Variants in ZRANB3 observed in about 807,000 individuals in gnomAD.
ZRANB3 encodes the protein zinc finger RANBP2-type containing 3.
A neutral mutation model predicts 133.8 loss-of-function variants in ZRANB3; 125 were observed. The ratio of observed to expected loss-of-function variants is 0.93; its 90% CI spans 0.81 to 1.08. ZRANB3 has a LOEUF of 1.08. Ranked by LOEUF, ZRANB3 falls within the 50% of genes least tolerant of loss-of-function variation. The pLI is 0.00. For missense variants in ZRANB3, 1,229 were observed against 1,275.5 expected, an observed-to-expected ratio of 0.96 and a Z score of 0.56; for synonymous variants, 387 against 432.7, an observed-to-expected ratio of 0.89 and a Z score of 1.31.
At chr2:135,351,463 G>A (rs1685204806) in intron 4 of ZRANB3, among the ~76,000 whole-genome samples, 2 of 151,684 alleles carry the variant, frequency 1.3e-5, no homozygotes, top group South Asian at 2.1e-4. Context: ...GGATGGTCTC[G>A]ATCTTCTGAC....
intron 2 of ZRANB3, among the ~76,000 whole-genome samples, chr2:135,444,436 A>AG (rs1183705900): frequency 2.0e-5 from 3 of 152,220 alleles, no homozygotes; most frequent in African/African-American, 7.2e-5. Context: ...CTCGGCAATA[A>AG]GAAGGAACAA....
intron 12 of ZRANB3, among the ~76,000 whole-genome samples, chr2:135,248,138 T>A (rs987265997): frequency 6.6e-6 from 1 of 152,166 alleles, no homozygotes; most frequent in Non-Finnish European, 1.5e-5. Context: ...GACTAGGGAC[T>A]GGAGGGGCCC....
intron 2 of ZRANB3, among the ~76,000 whole-genome samples, chr2:135,470,215 C>T (rs1158457725): frequency 6.6e-6 from 1 of 151,242 alleles, no homozygotes; most frequent in Non-Finnish European, 1.5e-5. Flanking sequence ...ATCCCAACTA[C>T]TCAGAAGGCT....
chr2:135,395,983 A>G (rs530305178), intron 2 of ZRANB3, among the ~76,000 whole-genome samples: 1 of 152,336 alleles, frequency 6.6e-6, no homozygotes, highest in South Asian at 2.1e-4. Flanking sequence ...AAAAAAATCT[A>G]ATAATCCAAT....
chr2:135,300,263 C>T (rs2104807670), intron 8 of ZRANB3, among the ~76,000 whole-genome samples: 1 of 151,992 alleles, frequency 6.6e-6, no homozygotes, highest in South Asian at 2.1e-4. Context: ...TAAGTATATG[C>T]CCTTAAAATA....
At chr2:135,208,359 C>T (rs997267666) in intron 18 of ZRANB3, among the ~76,000 whole-genome samples, 1 of 152,158 alleles carries the variant, frequency 6.6e-6, no homozygotes, top group African/African-American at 2.4e-5. Context: ...AGAAGACTTG[C>T]TCTTATAGGT....
At chr2:135,480,631 T>C (rs1043328812) in intron 2 of ZRANB3, among the ~76,000 whole-genome samples, 1 of 152,048 alleles carries the variant, frequency 6.6e-6, no homozygotes, top group African/African-American at 2.4e-5. Flanking sequence ...ATTATTATTA[T>C]ACTTTAAGTT....
intron 1 of ZRANB3, among the ~76,000 whole-genome samples, chr2:135,518,743 T>C (rs924034245): frequency 1.2e-4 from 19 of 152,220 alleles, no homozygotes; most frequent in Admixed American, 5.9e-4. Flanking sequence ...CTTGTAGTTA[T>C]GGAGCTGGGT....
chr2:135,347,661 T>C (rs79725993), intron 5 of ZRANB3, among the ~76,000 whole-genome samples: 1 of 152,302 alleles, frequency 6.6e-6, no homozygotes, highest in South Asian at 2.1e-4. Flanking sequence ...CTCCTAAATT[T>C]TTCTAAAGTG....
intron 13 of ZRANB3, 23 bp from the exon 14 acceptor site, chr2:135,228,038 A>C: frequency 6.8e-7 from 1 of 1,475,022 alleles, no homozygotes; most frequent in Non-Finnish European, 9.1e-7. Context: ...AAATTATTAC[A>C]AAAATGTAAT....
intron 2 of ZRANB3, among the ~76,000 whole-genome samples, chr2:135,417,763 A>G (rs1688654592): frequency 1.3e-5 from 2 of 152,212 alleles, no homozygotes; most frequent in Admixed American, 1.3e-4. Context: ...CATATACACC[A>G]TGGAATACTA....
chr2:135,406,365 G>A (rs1688030136), intron 2 of ZRANB3, among the ~76,000 whole-genome samples: 1 of 152,110 alleles, frequency 6.6e-6, no homozygotes, highest in South Asian at 2.1e-4. Context: ...AGGACCAGAT[G>A]GATTCACAGC....
chr2:135,336,553 A>G (rs1684379200), intron 6 of ZRANB3, among the ~76,000 whole-genome samples: 1 of 152,250 alleles, frequency 6.6e-6, no homozygotes, highest in South Asian at 2.1e-4. Context: ...AAGTAAAGGA[A>G]TAACATAAAA....
Position 135,200,131 on chromosome 2 carries a change from AC to A in ZRANB3, c.*210del. ...TGCGAGTCTGAATCAAATCAAAAAGACCACAGAAATATTCAGTATTGTATCT... is the reference window on the plus strand; with the variant it reads ...TGCGAGTCTGAATCAAATCAAAAAGACACAGAAATATTCAGTATTGTATCT... On this transcript the variant is annotated 3_prime_UTR_variant, in exon 21 of 21. Transcript: ENST00000264159. 1 of 633,842 alleles carries A rather than the reference AC, an allele frequency of 1.6e-6. No individual in the cohort carries two copies. Among genetic ancestry groups the A allele is most frequent in the Non-Finnish European group, 2.8e-6 (1 of 354,298 alleles). The allele number at this position is 633,842 out of a possible 1,614,324, so 39.3% of individuals were successfully genotyped here.
At chr2:135,407,385 T>C (rs923400679) in intron 2 of ZRANB3, among the ~76,000 whole-genome samples, 6 of 151,910 alleles carry the variant, frequency 3.9e-5, no homozygotes, top group East Asian at 1.9e-4. Flanking sequence ...ATCGTGAAAA[T>C]GGCCATACTG....
At position 135,198,553 on chromosome 2, in the gene ZRANB3, T is replaced by G. The variant is rs1210067051; in HGVS notation, c.*1789A>C. 1 of 152,244 alleles carries G rather than the reference T, an allele frequency of 6.6e-6. No homozygotes were observed. Among genetic ancestry groups the G allele is most frequent in the Non-Finnish European group, 1.5e-5 (1 of 68,044 alleles). The allele number at this position is 152,244 out of a possible 1,614,324, so 9.4% of individuals were successfully genotyped here. A position where few individuals can be genotyped will look rare whatever the true frequency, so the allele number is the denominator to read the frequency against. ...TCACACAGTTCTTACATCTGAGAAC[T>G]TTCTCCTTAGAATTATCACCTTAGT... is the stretch of plus-strand genomic sequence containing the variant. On this transcript the variant is annotated 3_prime_UTR_variant, in exon 21 of 21. Coordinates refer to ENST00000264159, the MANE Select transcript of ZRANB3 (RefSeq NM_032143.4).
intron 2 of ZRANB3, among the ~76,000 whole-genome samples, chr2:135,413,858 G>C (rs1375173613): frequency 2.6e-5 from 4 of 151,948 alleles, no homozygotes; most frequent in Admixed American, 1.3e-4. Flanking sequence ...GCCAAACTAG[G>C]CTTCATAAGT....
In ZRANB3 at chr2:135,424,196, C is replaced by G. The variant is rs74375122; in HGVS notation, c.162-33376G>C. 4.3e-3 allele frequency among the ~76,000 whole-genome samples: 651 copies of G among 152,002 alleles called. 8 individuals carry two copies. Among genetic ancestry groups the G allele is most frequent in the African/African-American group, 0.015 (608 of 41,464 alleles). On this transcript the variant is annotated intron_variant, in intron 2 of 20. Transcript: ENST00000264159. ...CTAGTAAAATAAAATATTCAAAGAA[C>G]AAAAGAGAGCTGTTTGAATTAAATA...
chr2:135,385,467 T>C (rs1686926439), intron 3 of ZRANB3, among the ~76,000 whole-genome samples: 1 of 152,178 alleles, frequency 6.6e-6, no homozygotes, highest in Non-Finnish European at 1.5e-5. Context: ...CCAATGACTT[T>C]CTTCACAGAA....
Sources: gnomAD v4.1 joint callset for allele counts (sites outside exome capture counted in the v4.1 genomes callset) on GRCh38, gnomAD v4.1.1 for gene constraint, MANE v1.5 for transcripts, NCBI Gene and HGNC (gene_info 2026-07-23, HGNC 2026-07-21) for gene names.